The following KIAA1217 variants were observed in gnomAD, a reference collection of about 807,000 sequenced individuals.
The protein encoded by KIAA1217 is sickle tail protein homolog.
In KIAA1217, 88 loss-of-function variants were observed where a neutral mutation model predicts 163.9. That is an observed-to-expected ratio of 0.54 (90% confidence interval 0.45 to 0.64). The LOEUF (loss-of-function observed/expected upper bound fraction) is 0.64. Among genes scored for constraint, KIAA1217 ranks in the 30% least tolerant of loss-of-function variants. The probability of loss-of-function intolerance (pLI) is 0.00; values close to 1 mark genes in which losing one functional copy is unlikely to be tolerated. For missense variants in KIAA1217, 2,372 were observed against 2,475.0 expected (o/e 0.96, Z 0.88); for synonymous variants, 903 against 923.1 (o/e 0.98, Z 0.39).
intron 2 of KIAA1217, among the ~76,000 whole-genome samples, chr10:24,050,705 A>T (rs1014663718): frequency 1.3e-5 from 2 of 152,140 alleles, no homozygotes; most frequent in East Asian, 3.9e-4. Context: ...TGGTTACTGT[A>T]GCCTTGTAGT....
intron 1 of KIAA1217, among the ~76,000 whole-genome samples, chr10:23,996,067 G>C (rs995893539): frequency 1.3e-5 from 2 of 152,164 alleles, no homozygotes; most frequent in Non-Finnish European, 2.9e-5. Flanking sequence ...CTAGCCCATA[G>C]CAAAGAGGTA....
At chr10:24,170,515 C>CA (rs1448987003) in intron 2 of KIAA1217, among the ~76,000 whole-genome samples, 1 of 152,090 alleles carries the variant, frequency 6.6e-6, no homozygotes, top group Non-Finnish European at 1.5e-5. Context: ...TGAGGGGAGG[C>CA]TCTTTGACAA....
intron 2 of KIAA1217, among the ~76,000 whole-genome samples, chr10:24,334,077 G>A (rs1186137474): frequency 6.6e-6 from 1 of 152,090 alleles, no homozygotes; most frequent in Non-Finnish European, 1.5e-5. Context: ...CCTTCTAAGA[G>A]ATCTTTAAAA....
chr10:23,867,148 A>G lies in KIAA1217; in HGVS notation c.-320-140077A>G, dbSNP rs185950361. Among the ~76,000 whole-genome samples the G allele has an allele frequency of 2.2e-4, 34 of 151,960 alleles. 1 individual carries two copies. Among genetic ancestry groups the G allele is most frequent in the African/African-American group, 5.8e-4 (24 of 41,432 alleles). On this transcript the variant is annotated intron_variant, in intron 1 of 18. Coordinates refer to the KIAA1217 transcript ENST00000376462. ...AGTTTACTGAGAATGATGATTTCCA[A>G]TTTCATCCACGTCCCTACAAAGGAC...
intron 2 of KIAA1217, among the ~76,000 whole-genome samples, chr10:24,253,205 T>C (rs1457520414): frequency 6.6e-6 from 1 of 152,164 alleles, no homozygotes; most frequent in Non-Finnish European, 1.5e-5. Context: ...GATTTTAATC[T>C]TAATATAGTG....
At chr10:24,146,229 T>C (rs987691420) in intron 2 of KIAA1217, among the ~76,000 whole-genome samples, 1 of 113,886 alleles carries the variant, frequency 8.8e-6, no homozygotes, top group African/African-American at 4.6e-5. Context: ...TGCATGCTTT[T>C]CTTTGTATTT....
intron 6 of KIAA1217, among the ~76,000 whole-genome samples, chr10:24,493,089 G>A (rs374549221): frequency 1.7e-4 from 26 of 152,254 alleles, no homozygotes; most frequent in South Asian, 1.0e-3. Context: ...CAGGTGATCC[G>A]CCCACCTGGG....
At chr10:23,731,258 A>G (rs1003624285) in intron 1 of KIAA1217, among the ~76,000 whole-genome samples, 8 of 152,188 alleles carry the variant, frequency 5.3e-5, no homozygotes, top group African/African-American at 1.9e-4. Flanking sequence ...ATACTCAATA[A>G]GCCATAGGAA....
At chr10:24,309,616 G>A (rs1331322697) in intron 2 of KIAA1217, among the ~76,000 whole-genome samples, 1 of 152,132 alleles carries the variant, frequency 6.6e-6, no homozygotes, top group African/African-American at 2.4e-5. Context: ...CAAAATCATC[G>A]TAGTCTTGAG....
At chr10:23,998,426 G>A (rs994137937) in intron 1 of KIAA1217, among the ~76,000 whole-genome samples, 7 of 152,182 alleles carry the variant, frequency 4.6e-5, no homozygotes, top group East Asian at 1.9e-4. Flanking sequence ...CCTGTTTCTC[G>A]TTCCTGCCTC....
chr10:24,089,675 A>G (rs2061849478), intron 2 of KIAA1217, among the ~76,000 whole-genome samples: 1 of 151,856 alleles, frequency 6.6e-6, no homozygotes, highest in African/African-American at 2.4e-5. Flanking sequence ...GGGTACCAGT[A>G]CCATGCTGTT....
rs569433934 is a variant in KIAA1217, at chr10:24,500,203, G to GTGTGTC, written c.1835-1171_1835-1170insCTGTGT. Reference sequence around the variant, plus strand: ...AACAGAAGTGTGTGTGTGTGTGTGTGTGTGTGTGTGTGTGTCTTTATTAGT... The same window carrying GTGTGTC: ...AACAGAAGTGTGTGTGTGTGTGTGTGTGTGTCTGTGTGTGTGTGTGTCTTTATTAGT... On this transcript the variant is annotated intron_variant, in intron 8 of 20. Coordinates refer to ENST00000376454, the MANE Select transcript of KIAA1217 (RefSeq NM_019590.5). Among the ~76,000 whole-genome samples the GTGTGTC allele has an allele frequency of 5.7e-3, 860 of 152,018 alleles. 5 individuals carry two copies. Among genetic ancestry groups the GTGTGTC allele is most frequent in the African/African-American group, 0.019 (790 of 41,376 alleles).
chr10:23,776,504 A>T (rs1466753623), intron 1 of KIAA1217, among the ~76,000 whole-genome samples: 1 of 151,492 alleles, frequency 6.6e-6, no homozygotes, highest in Non-Finnish European at 1.5e-5. Context: ...ATATACCATA[A>T]GGAGCATATT....
At chr10:24,209,317 G>A in intron 1 of KIAA1217, 54 bp downstream of exon 1, 1 of 1,361,634 alleles carries the variant, frequency 7.3e-7, no homozygotes, top group Non-Finnish European at 1.0e-6. Context: ...GCCCCTTGCC[G>A]CTTGCTGCTT....
chr10:24,241,058 G>T (rs2073029584), intron 2 of KIAA1217, among the ~76,000 whole-genome samples: 1 of 152,040 alleles, frequency 6.6e-6, no homozygotes, highest in Non-Finnish European at 1.5e-5. Flanking sequence ...TGATGCCCAG[G>T]CTGGTCTCAA....
At chr10:23,724,844 C>A (rs757072316) in intron 1 of KIAA1217, among the ~76,000 whole-genome samples, 13 of 152,096 alleles carry the variant, frequency 8.5e-5, no homozygotes, top group Non-Finnish European at 1.3e-4. Flanking sequence ...AACTGATATA[C>A]CAGGAAGACA....
At chr10:23,836,440 G>T (rs1838453929) in intron 1 of KIAA1217, among the ~76,000 whole-genome samples, 1 of 151,744 alleles carries the variant, frequency 6.6e-6, no homozygotes, top group Non-Finnish European at 1.5e-5. Context: ...CGCCATGCAG[G>T]AGCCAAGGAG....
At chr10:23,894,149 G>T (rs1359329220) in intron 1 of KIAA1217, among the ~76,000 whole-genome samples, 4 of 149,274 alleles carry the variant, frequency 2.7e-5, no homozygotes, top group African/African-American at 9.8e-5. Context: ...GGGCAATTAG[G>T]CAGGAGAAGG....
intron 2 of KIAA1217, among the ~76,000 whole-genome samples, chr10:24,019,301 A>G (rs1350479688): frequency 6.6e-6 from 1 of 152,096 alleles, no homozygotes; most frequent in Non-Finnish European, 1.5e-5. Context: ...ATTGTTATAT[A>G]CCATAAATAT....
Sources: gnomAD v4.1 joint callset for allele counts (sites outside exome capture counted in the v4.1 genomes callset) on GRCh38, gnomAD v4.1.1 for gene constraint, MANE v1.5 for transcripts, NCBI Gene and HGNC (gene_info 2026-07-23, HGNC 2026-07-21) for gene names.